Variants in GALNTL5 observed in about 807,000 individuals in gnomAD.
GALNTL5 encodes inactive polypeptide N-acetylgalactosaminyltransferase-like protein 5.
In GALNTL5, 44 loss-of-function variants were observed where a neutral mutation model predicts 51.0. That is an observed-to-expected ratio of 0.86 (90% confidence interval 0.68 to 1.11). The LOEUF is 1.11. GALNTL5 is among the 50% of genes least tolerant of loss of function. The probability of loss-of-function intolerance (pLI) is 0.00; values close to 1 mark genes in which losing one functional copy is unlikely to be tolerated. For missense variants in GALNTL5, 528 were observed against 531.8 expected, an observed-to-expected ratio of 0.99 and a Z score of 0.07; for synonymous variants, 192 against 182.8, an observed-to-expected ratio of 1.05 and a Z score of -0.41.
intron 5 of GALNTL5, among the ~76,000 whole-genome samples, chr7:151,998,899 A>T (rs1199447135): frequency 6.6e-6 from 1 of 152,212 alleles, no homozygotes; most frequent in African/African-American, 2.4e-5. Flanking sequence ...CAGATTTTTT[A>T]AAATTGAGGC....
chr7:151,965,485 G>C (rs927972627), intron 1 of GALNTL5, among the ~76,000 whole-genome samples: 5 of 152,106 alleles, frequency 3.3e-5, no homozygotes, highest in Non-Finnish European at 7.3e-5. Context: ...GGAAAATATA[G>C]AGAAAAATAT....
At position 152,015,697 on chromosome 7, in the gene GALNTL5, T is replaced by G. The variant is rs1053563277; in HGVS notation, c.1176+904T>G. Among the ~76,000 whole-genome samples, 4 of 152,222 alleles carry G rather than the reference T, an allele frequency of 2.6e-5. No homozygotes were observed. In the South Asian group the frequency reaches 8.3e-4, roughly 32 times the overall value. On this transcript the variant is annotated intron_variant, in intron 8 of 8. Coordinates refer to ENST00000392800, the MANE Select transcript of GALNTL5 (RefSeq NM_145292.4). The stretch of plus-strand genomic sequence containing the variant: ...TGAGATTCTTTTTCTTCCCCGCTGA[T>G]TTCCCAAGCAATGTGGATGCTGCTG...
chr7:151,977,102 C>T (rs1313936275), intron 3 of GALNTL5, among the ~76,000 whole-genome samples: 1 of 152,092 alleles, frequency 6.6e-6, no homozygotes, highest in Non-Finnish European at 1.5e-5. Flanking sequence ...CAGAGGCAGA[C>T]CAAATACCTA....
At chr7:151,997,966 C>G (rs1267109835) in intron 5 of GALNTL5, among the ~76,000 whole-genome samples, 1 of 152,132 alleles carries the variant, frequency 6.6e-6, no homozygotes, top group Non-Finnish European at 1.5e-5. Flanking sequence ...CTTTAGGAGG[C>G]CAAGGCAAGA....
intron 7 of GALNTL5, among the ~76,000 whole-genome samples, chr7:152,014,044 A>G (rs1050650118): frequency 1.3e-5 from 2 of 152,214 alleles, no homozygotes; most frequent in Non-Finnish European, 2.9e-5. Flanking sequence ...GGTAATTATG[A>G]GAGAGGCAGA....
chr7:152,017,832 A>C (rs2081838188), intron 8 of GALNTL5, among the ~76,000 whole-genome samples: 1 of 152,024 alleles, frequency 6.6e-6, no homozygotes, highest in Non-Finnish European at 1.5e-5. Context: ...GACAATCCTC[A>C]AATGAGAATT....
chr7:151,973,767 G>T (rs921926450), intron 3 of GALNTL5, among the ~76,000 whole-genome samples: 1 of 135,928 alleles, frequency 7.4e-6, no homozygotes, highest in African/African-American at 2.6e-5. Flanking sequence ...AATGTGAAAT[G>T]AGATTTGGGA....
intron 1 of GALNTL5, among the ~76,000 whole-genome samples, chr7:151,959,510 C>T (rs1234972492): frequency 6.6e-6 from 1 of 152,160 alleles, no homozygotes; most frequent in Non-Finnish European, 1.5e-5. Flanking sequence ...CTATTTTGCA[C>T]CCAGGATCTT....
intron 8 of GALNTL5, among the ~76,000 whole-genome samples, chr7:152,016,806 G>A (rs566115239): frequency 2.6e-5 from 4 of 152,032 alleles, no homozygotes; most frequent in African/African-American, 9.7e-5. Context: ...AGGCCAAGGC[G>A]GATGGATCAC....
At chr7:151,987,656 G>A (rs1471148885) in intron 5 of GALNTL5, among the ~76,000 whole-genome samples, 2 of 152,018 alleles carry the variant, frequency 1.3e-5, no homozygotes, top group South Asian at 2.1e-4. Context: ...GCTCATCCAC[G>A]GGGACCTCTG....
chr7:151,981,798 C>T (rs2081295443), intron 3 of GALNTL5, among the ~76,000 whole-genome samples: 1 of 151,298 alleles, frequency 6.6e-6, no homozygotes, highest in South Asian at 2.1e-4. Context: ...CGAGTGCGTG[C>T]CACCACATCT....
chr7:151,993,945 T>C (rs2151952414), intron 5 of GALNTL5, among the ~76,000 whole-genome samples: 1 of 152,334 alleles, frequency 6.6e-6, no homozygotes, highest in African/African-American at 2.4e-5. Context: ...TTTCAAAGAA[T>C]GTATATTTTT....
At chr7:151,976,124 G>C (rs1436525631) in intron 3 of GALNTL5, among the ~76,000 whole-genome samples, 1 of 152,148 alleles carries the variant, frequency 6.6e-6, no homozygotes, top group Non-Finnish European at 1.5e-5. Flanking sequence ...TTTCCTTATT[G>C]ATTTTCTGTC....
chr7:152,002,902 A>G lies in GALNTL5; in HGVS notation c.847A>G (p.Lys283Glu). The G allele has an allele frequency of 6.2e-7, 1 of 1,613,926 alleles. No homozygotes were observed. Among genetic ancestry groups the G allele is most frequent in the African/African-American group, 1.3e-5 (1 of 75,052 alleles). Residue 283 changes from lysine (K) to glutamate (E), a missense_variant, in exon 6 of 9, where the codon AAA becomes GAA. Coordinates refer to ENST00000392800, the MANE Select transcript of GALNTL5 (RefSeq NM_145292.4). ...AACTTTTGATTGGAACCTACAATTT[A>G]AATGGGATAATGTTTTCTCTTATGA... ...RGTFDWNLQFKWDNVFSYEMD... is the reference protein window; with the variant it reads ...RGTFDWNLQFEWDNVFSYEMD...
intron 8 of GALNTL5, 41 bp from the exon 9 acceptor site, chr7:152,019,605 G>A (rs745953017): frequency 5.1e-6 from 8 of 1,567,738 alleles, no homozygotes; most frequent in Non-Finnish European, 7.0e-6. Context: ...GCAAAGATTT[G>A]TTTGGTTGAA....
At chr7:151,986,486 T>C (rs2081360631) in intron 4 of GALNTL5, among the ~76,000 whole-genome samples, 1 of 151,910 alleles carries the variant, frequency 6.6e-6, no homozygotes, top group African/African-American at 2.4e-5. Flanking sequence ...TATTTAAAAA[T>C]TAGCCAGGTG....
intron 1 of GALNTL5, chr7:151,960,729 A>C (rs2080981651): frequency 6.6e-6 from 1 of 152,238 alleles, no homozygotes; most frequent in Non-Finnish European, 1.5e-5. Flanking sequence ...AGAGGGGGAC[A>C]CTTGGGCAAA....
At chr7:151,971,165 T>A in intron 3 of GALNTL5, 100 bp downstream of exon 3, 3 of 956,166 alleles carry the variant, frequency 3.1e-6, no homozygotes, top group Non-Finnish European at 4.7e-6. Context: ...AACCAGATTT[T>A]AATTTGATCA....
chr7:151,999,815 G>C (rs529804679), intron 5 of GALNTL5, among the ~76,000 whole-genome samples: 4 of 152,312 alleles, frequency 2.6e-5, no homozygotes, highest in African/African-American at 9.6e-5. Context: ...GTTAAAAATG[G>C]GACTCTTGTT....
Sources: gnomAD v4.1 joint callset for allele counts (sites outside exome capture counted in the v4.1 genomes callset) on GRCh38, gnomAD v4.1.1 for gene constraint, MANE v1.5 for transcripts, NCBI Gene and HGNC (gene_info 2026-07-23, HGNC 2026-07-21) for gene names.